PTPN3: variants seen among roughly 807,000 people sequenced by gnomAD.
The protein encoded by PTPN3 is tyrosine-protein phosphatase non-receptor type 3.
A neutral mutation model predicts 132.7 loss-of-function variants in PTPN3; 96 were observed. That is an observed-to-expected ratio of 0.72 (90% CI 0.61 to 0.86). The LOEUF is 0.86. PTPN3 is among the 40% of genes least tolerant of loss of function. The pLI is 0.00. For synonymous variants in PTPN3, 398 were observed against 429.0 expected, an observed-to-expected ratio of 0.93 and a Z score of 0.89; for missense variants, 1,125 against 1,159.6, an observed-to-expected ratio of 0.97 and a Z score of 0.43.
At chr9:109,500,623 GA>G (rs34983104), upstream of PTPN3, among the ~76,000 whole-genome samples, 2,706 of 143,950 alleles carry the variant, frequency 0.019, 27 homozygotes, top group African/African-American at 0.03. Flanking sequence ...AATGTTAAAT[GA>G]AAAAAAAAAA....
intron 17 of PTPN3, among the ~76,000 whole-genome samples, chr9:109,407,867 T>C (rs1305681899): frequency 6.6e-6 from 1 of 152,114 alleles, no homozygotes; most frequent in Non-Finnish European, 1.5e-5. Flanking sequence ...TAAAATAAAT[T>C]TGAAAGAAAA....
chr9:109,444,661 G>A (rs1844729637), intron 7 of PTPN3, among the ~76,000 whole-genome samples: 1 of 152,092 alleles, frequency 6.6e-6, no homozygotes. Context: ...TTTAATGAGT[G>A]TACTAGAAAA....
chr9:109,384,290 G>A (rs1049334355), intron 22 of PTPN3, among the ~76,000 whole-genome samples: 1 of 152,190 alleles, frequency 6.6e-6, no homozygotes, highest in Admixed American at 6.5e-5. Context: ...CTCACAAATC[G>A]AGATGAATAC....
chr9:109,451,157 T>C, intron 5 of PTPN3: 1 of 957,308 alleles, frequency 1.0e-6, no homozygotes, highest in Non-Finnish European at 1.2e-6. Context: ...CTCAGGAGGC[T>C]GAGGGAGGAT....
At chr9:109,522,316 G>A in the PTPN3 span, among the ~76,000 whole-genome samples, 4 of 152,118 alleles carry the variant, frequency 2.6e-5, no homozygotes, top group Non-Finnish European at 4.4e-5. Flanking sequence ...CAAAAGTGTG[G>A]GCCCCTCACC....
At chr9:109,471,927 T>C (rs566430137) in intron 1 of PTPN3, among the ~76,000 whole-genome samples, 1 of 152,364 alleles carries the variant, frequency 6.6e-6, no homozygotes, top group South Asian at 2.1e-4. Context: ...GTTCTGCCTG[T>C]CTATGCTTAC....
chr9:109,403,126 G>T (rs569397761), intron 19 of PTPN3, among the ~76,000 whole-genome samples: 4 of 152,280 alleles, frequency 2.6e-5, no homozygotes, highest in African/African-American at 9.6e-5. Flanking sequence ...TTTTGGCGGG[G>T]AAGTCAGTCA....
chr9:109,406,927 C>T (rs1841614460), intron 17 of PTPN3, among the ~76,000 whole-genome samples: 2 of 152,184 alleles, frequency 1.3e-5, no homozygotes, highest in Admixed American at 1.3e-4. Flanking sequence ...TATACCATTT[C>T]CAGCCTTTTG....
chr9:109,474,198 G>GA (rs1350477895), intron 1 of PTPN3, among the ~76,000 whole-genome samples: 1 of 152,066 alleles, frequency 6.6e-6, no homozygotes, highest in Non-Finnish European at 1.5e-5. Flanking sequence ...CCATGGGGGG[G>GA]TTTTAACCAA....
At chr9:109,388,257 T>C (rs1839765813) in intron 22 of PTPN3, among the ~76,000 whole-genome samples, 1 of 152,164 alleles carries the variant, frequency 6.6e-6, no homozygotes, top group African/African-American at 2.4e-5. Flanking sequence ...GGTCATCCTG[T>C]CATCCAAGAG....
intron 5 of PTPN3, among the ~76,000 whole-genome samples, chr9:109,453,397 A>G (rs553737804): frequency 3.8e-4 from 58 of 152,290 alleles, no homozygotes; most frequent in African/African-American, 1.3e-3. Context: ...AAATAAATGG[A>G]TCAATAATAA....
chr9:109,381,926 C>T, intron 24 of PTPN3, 139 bp from the exon 25 acceptor site: 3 of 1,027,712 alleles, frequency 2.9e-6, no homozygotes, highest in Non-Finnish European at 2.9e-6. Context: ...TCACGGCGTG[C>T]TCTCAAACAG....
At chr9:109,393,355 C>T (rs76208530) in intron 19 of PTPN3, among the ~76,000 whole-genome samples, 5,539 of 150,360 alleles carry the variant, frequency 0.037, 140 homozygotes, top group East Asian at 0.15. Flanking sequence ...ATTACTATAC[C>T]AAATAATATT....
At chr9:109,383,661 C>A in intron 22 of PTPN3, 110 bp from the exon 23 acceptor site, 1 of 1,428,418 alleles carries the variant, frequency 7.0e-7, no homozygotes. Flanking sequence ...CACCCGAGAG[C>A]ACTGATGGGA....
chr9:109,445,684 G>T (rs1381852231), intron 6 of PTPN3, among the ~76,000 whole-genome samples: 1 of 152,080 alleles, frequency 6.6e-6, no homozygotes, highest in Non-Finnish European at 1.5e-5. Flanking sequence ...ACTCATCATA[G>T]GGCTCTCTAA....
chr9:109,391,606 T>G (rs1024831888), intron 19 of PTPN3, 45 bp from the exon 20 acceptor site: 3 of 1,483,090 alleles, frequency 2.0e-6, no homozygotes, highest in Non-Finnish European at 1.9e-6. Flanking sequence ...AAAAATCAGA[T>G]GAAGAAAGTG....
intron 1 of PTPN3, among the ~76,000 whole-genome samples, chr9:109,469,548 A>T (rs1161052205): frequency 6.6e-6 from 1 of 152,176 alleles, no homozygotes; most frequent in African/African-American, 2.4e-5. Context: ...GAACCCGGGA[A>T]GCAGAGATTG....
At chr9:109,470,359 G>A (rs998056591) in intron 1 of PTPN3, among the ~76,000 whole-genome samples, 2 of 152,110 alleles carry the variant, frequency 1.3e-5, no homozygotes, top group Non-Finnish European at 2.9e-5. Flanking sequence ...CATTGCTCAC[G>A]CCTTTAGGAA....
intron 1 of PTPN3, among the ~76,000 whole-genome samples, chr9:109,488,302 G>C (rs544129281): frequency 6.6e-6 from 1 of 151,748 alleles, no homozygotes; most frequent in East Asian, 1.9e-4. Context: ...GTTTTGCCAC[G>C]TTGGCCAGTC....
Sources: gnomAD v4.1 joint callset for allele counts (sites outside exome capture counted in the v4.1 genomes callset) on GRCh38, gnomAD v4.1.1 for gene constraint, MANE v1.5 for transcripts, NCBI Gene and HGNC (gene_info 2026-07-23, HGNC 2026-07-21) for gene names.